The following ADCY7 variants were observed in gnomAD, a reference collection of about 807,000 sequenced individuals.
The protein encoded by ADCY7 is adenylate cyclase 7.
ADCY7 carries 72 observed loss-of-function variants against 120.6 expected under a neutral mutation model. The observed-to-expected ratio is 0.60, with a 90% CI of 0.49 to 0.73. ADCY7 has a LOEUF of 0.73. Ranked by LOEUF, ADCY7 falls within the 30% of genes least tolerant of loss-of-function variation. The pLI is 0.00. For synonymous variants in ADCY7, 661 were observed against 628.0 expected, an observed-to-expected ratio of 1.05 and a Z score of -0.78; for missense variants, 1,227 against 1,486.0, an observed-to-expected ratio of 0.83 and a Z score of 2.87.
intron 1 of ADCY7, among the ~76,000 whole-genome samples, chr16:50,281,077 G>A (rs549221117): frequency 1.3e-5 from 2 of 152,064 alleles, no homozygotes; most frequent in Non-Finnish European, 2.9e-5. Context: ...ATGCGGTGGG[G>A]GGCCTGCCCA....
intron 18 of ADCY7, 63 bp downstream of exon 18, chr16:50,309,709 T>TA (rs2036324963): frequency 7.0e-7 from 1 of 1,433,050 alleles, no homozygotes; most frequent in Non-Finnish European, 9.5e-7. Flanking sequence ...GCCAGAGGTG[T>TA]AGTTTGGACC....
chr16:50,288,179 G>C lies in ADCY7; in HGVS notation c.-1G>C, dbSNP rs139493357. 547 of 1,547,230 alleles carry C rather than the reference G, an allele frequency of 3.5e-4. 2 individuals are homozygous for C. In the African/African-American group the frequency reaches 6.4e-3, roughly 18 times the overall value. ...AACGACACGCGTGCCAAGGGTGGAG[G>C]ATGCCAGCCAAGGGGCGCTACTTCC... On this transcript the variant is annotated 5_prime_UTR_variant, in exon 2 of 26. Transcript: ENST00000673801.
Position 50,307,168 on chromosome 16 carries a change from TG to T in ADCY7, c.1850+26del, listed in dbSNP as rs762651858. On this transcript the variant is annotated intron_variant, in intron 15 of 25. Transcript: ENST00000673801. ...CCCAGGTCAGTTGCAGGGAGGGGTGTGGGGGTCCGGCCTGCTGGGATCCAGG... is the reference window on the plus strand; with the variant it reads ...CCCAGGTCAGTTGCAGGGAGGGGTGTGGGGTCCGGCCTGCTGGGATCCAGG... 2.1e-5 allele frequency: 34 copies of T among 1,604,420 alleles called. No individual in the cohort carries two copies. In the African/African-American group the frequency reaches 4.3e-4, roughly 20 times the overall value.
intron 22 of ADCY7, 197 bp downstream of exon 22, chr16:50,313,233 A>T (rs1300039231): frequency 3.5e-6 from 2 of 576,696 alleles, no homozygotes; most frequent in African/African-American, 3.8e-5. Flanking sequence ...CCTGGCCAAC[A>T]TGGCGAAACC....
intron 12 of ADCY7, 77 bp from the exon 13 acceptor site, chr16:50,305,426 T>G: frequency 1.6e-6 from 2 of 1,288,160 alleles, no homozygotes; most frequent in Non-Finnish European, 2.2e-6. Context: ...ACCCCACTGG[T>G]GTCTACGTCC....
intron 1 of ADCY7, among the ~76,000 whole-genome samples, chr16:50,253,901 G>A (rs1024725742): frequency 9.9e-5 from 15 of 152,142 alleles, no homozygotes; most frequent in African/African-American, 3.4e-4. Context: ...GGAAGAACTT[G>A]TGTGTGTCTC....
At chr16:50,289,514 G>A (rs1451629113) in intron 2 of ADCY7, among the ~76,000 whole-genome samples, 2 of 152,272 alleles carry the variant, frequency 1.3e-5, no homozygotes, top group Non-Finnish European at 1.5e-5. Flanking sequence ...TGCCCAGGCT[G>A]GAGTGCAATG....
intron 22 of ADCY7, 24 bp from the exon 23 acceptor site, chr16:50,313,934 T>G (rs768992350): frequency 6.3e-6 from 10 of 1,597,684 alleles, no homozygotes; most frequent in Non-Finnish European, 8.6e-7. Flanking sequence ...GGCGGCTGCT[T>G]CACCGCTTCC....
intron 1 of ADCY7, among the ~76,000 whole-genome samples, chr16:50,272,557 T>C (rs2033639946): frequency 6.6e-6 from 1 of 152,162 alleles, no homozygotes; most frequent in Non-Finnish European, 1.5e-5. Context: ...CTGGTGTGTC[T>C]TCCTGGTGGG....
intron 1 of ADCY7, among the ~76,000 whole-genome samples, chr16:50,267,011 T>C (rs2033258063): frequency 6.6e-6 from 1 of 152,204 alleles, no homozygotes; most frequent in Non-Finnish European, 1.5e-5. Flanking sequence ...ACACTCCTTC[T>C]CGAGGGTGTA....
chr16:50,295,053 C>A (rs1289820430), intron 7 of ADCY7, among the ~76,000 whole-genome samples: 1 of 152,174 alleles, frequency 6.6e-6, no homozygotes, highest in Admixed American at 6.5e-5. Flanking sequence ...GCTCCATCCT[C>A]ACTGGCAAGG....
intron 10 of ADCY7, among the ~76,000 whole-genome samples, chr16:50,303,932 G>C (rs759975966): frequency 6.6e-6 from 1 of 152,116 alleles, no homozygotes; most frequent in Admixed American, 6.5e-5. Flanking sequence ...TTTCCCAGGC[G>C]CCTCCTGGGG....
intron 1 of ADCY7, among the ~76,000 whole-genome samples, chr16:50,267,252 TGGGTCTTTCTGGAGC>T (rs962801744): frequency 5.3e-5 from 8 of 151,738 alleles, no homozygotes; most frequent in East Asian, 1.9e-4. Context: ...CCATCTGGAG[TGGGTCTTTCTGGAGC>T]GGGTCTTTCT....
At chr16:50,287,604 C>T (rs12598249) in intron 1 of ADCY7, among the ~76,000 whole-genome samples, 40,273 of 148,558 alleles carry the variant, frequency 0.27, 5,588 homozygotes, top group South Asian at 0.33. Flanking sequence ...CACTTGAGCC[C>T]GGGAGTTTGA....
intron 4 of ADCY7, among the ~76,000 whole-genome samples, chr16:50,292,112 C>T (rs1184831804): frequency 1.3e-5 from 2 of 152,222 alleles, no homozygotes; most frequent in African/African-American, 2.4e-5. Flanking sequence ...TAGGGCTCCC[C>T]TGTGGCTCAG....
Position 50,308,701 on chromosome 16 carries a change from T to C in ADCY7, c.1970T>C (p.Ile657Thr). Reference sequence around the variant, plus strand: ...CCAGCTCGGGGGACGCTCTGCACTATCTCTGAGAGGGTGGAGACACAGCCC... The same window carrying C: ...CCAGCTCGGGGGACGCTCTGCACTACCTCTGAGAGGGTGGAGACACAGCCC... The part of the protein sequence containing the change: ...CCPARGTLCT[I>T]SERVETQPLL... Residue 657 changes from isoleucine (I) to threonine (T), a missense_variant, in exon 17 of 26, where the codon ATC (isoleucine) becomes ACC (threonine). Around this residue, in one of 5 missense-constraint regions of ADCY7, gnomAD observed 267 missense variants for 270.0 expected, o/e 0.99. Transcript: ENST00000673801. 3.7e-6 allele frequency: 6 copies of C among 1,613,694 alleles called. No homozygotes were observed. The highest frequency in any genetic ancestry group is 5.1e-6 in the Non-Finnish European group (6 of 1,179,950).
In ADCY7 at chr16:50,315,104, G is replaced by A. The variant is rs1157728842; in HGVS notation, c.3062G>A (p.Arg1021Gln). The A allele has an allele frequency of 2.5e-6, 4 of 1,614,214 alleles. No individual in the cohort carries two copies. The highest frequency in any genetic ancestry group is 2.5e-6 in the Non-Finnish European group (3 of 1,180,046). The change falls in exon 25 of 26, where the codon CGA (arginine) becomes CAA (glutamine). Residue 1021 changes from arginine (R) to glutamine (Q), a missense_variant. By Grantham distance (43) the Arg-to-Gln change is conservative (BLOSUM62 1). This residue lies in a region of ADCY7 where 244 missense variants were observed against 332.8 expected (regional missense o/e 0.73). Coordinates refer to ENST00000673801, the MANE Select transcript of ADCY7 (RefSeq NM_001114.5). ...GGAAACACTGTCAATGTGGCCAGCC[G>A]AATGGAAAGCACTGGAGAACTTGGG... ...IWGNTVNVASRMESTGELGKI... is the reference protein window; with the variant it reads ...IWGNTVNVASQMESTGELGKI...
At chr16:50,292,890 G>A in intron 5 of ADCY7, 65 bp downstream of exon 5, 2 of 1,573,736 alleles carry the variant, frequency 1.3e-6, no homozygotes, top group Non-Finnish European at 1.7e-6. Context: ...TGTTGGACAT[G>A]AGACACTCAT....
At chr16:50,308,229 AG>A in intron 15 of ADCY7, 97 bp from the exon 16 acceptor site, 1 of 1,595,250 alleles carries the variant, frequency 6.3e-7, no homozygotes, top group Non-Finnish European at 8.6e-7. Context: ...AATACCAGGT[AG>A]GGTGGGGACA....
Sources: gnomAD v4.1 joint callset for allele counts (sites outside exome capture counted in the v4.1 genomes callset) on GRCh38, gnomAD v4.1.1 for gene constraint, gnomAD v4.1.1 regional missense constraint, MANE v1.5 for transcripts, NCBI Gene and HGNC (gene_info 2026-07-23, HGNC 2026-07-21) for gene names.